Variants in ARID3B observed in about 807,000 individuals in gnomAD.
The protein encoded by ARID3B is AT-rich interactive domain-containing protein 3B.
ARID3B carries 10 observed loss-of-function variants against 51.9 expected under a neutral mutation model. The ratio of observed to expected loss-of-function variants is 0.19; its 90% CI spans 0.12 to 0.33. The LOEUF is 0.33. ARID3B is among the 10% of genes least tolerant of loss of function. The pLI, the probability that ARID3B is intolerant of heterozygous loss-of-function variation, is 1.00. For synonymous variants in ARID3B, 205 were observed against 279.5 expected (o/e 0.73, Z 2.66); for missense variants, 483 against 716.3 (o/e 0.67, Z 3.72).
chr15:74,547,571 T>G (rs907671439), intron 2 of ARID3B, among the ~76,000 whole-genome samples: 1 of 152,200 alleles, frequency 6.6e-6, no homozygotes, highest in African/African-American at 2.4e-5. Context: ...GTGCCAGACC[T>G]GTGCTGTATG....
At chr15:74,560,042 C>CA in intron 2 of ARID3B, among the ~76,000 whole-genome samples, 1 of 3,970 alleles carries the variant, frequency 2.5e-4, no homozygotes, top group Non-Finnish European at 7.6e-4. Flanking sequence ...AAAAAAAAAA[C>CA]CACACACACA....
chr15:74,543,817 G>GT, intron 1 of ARID3B, 43 bp from the exon 2 acceptor site: 3 of 1,345,902 alleles, frequency 2.2e-6, no homozygotes, highest in African/African-American at 1.5e-5. Flanking sequence ...TAACATGGTT[G>GT]TTTTTTCCCC....
intron 2 of ARID3B, among the ~76,000 whole-genome samples, chr15:74,549,226 C>T (rs1013741364): frequency 6.6e-6 from 1 of 152,206 alleles, no homozygotes; most frequent in East Asian, 1.9e-4. Flanking sequence ...AGGTGCCCGC[C>T]ACCACGCCCG....
At chr15:74,571,081 T>C (rs1358359727) in intron 2 of ARID3B, among the ~76,000 whole-genome samples, 2 of 152,212 alleles carry the variant, frequency 1.3e-5, no homozygotes, top group African/African-American at 2.4e-5. Flanking sequence ...TCATTTTAAC[T>C]GACAGAGTGT....
At chr15:74,549,400 A>G (rs1324204256) in intron 2 of ARID3B, among the ~76,000 whole-genome samples, 2 of 151,962 alleles carry the variant, frequency 1.3e-5, no homozygotes, top group Non-Finnish European at 2.9e-5. Flanking sequence ...TTCTTGGTAG[A>G]TACTGCATGA....
chr15:74,578,424 G>A (rs1429095444), intron 4 of ARID3B, among the ~76,000 whole-genome samples: 1 of 151,968 alleles, frequency 6.6e-6, no homozygotes, highest in African/African-American at 2.4e-5. Context: ...ATCCGCCCGC[G>A]TCGGCCTCCT....
At chr15:74,578,243 G>A (rs1368867420) in intron 4 of ARID3B, among the ~76,000 whole-genome samples, 3 of 148,588 alleles carry the variant, frequency 2.0e-5, no homozygotes, top group African/African-American at 7.5e-5. Context: ...GCACCATCTC[G>A]GCTCACTGCA....
chr15:74,593,045 G>T, intron 7 of ARID3B, 93 bp from the exon 8 acceptor site: 3 of 1,085,818 alleles, frequency 2.8e-6, no homozygotes, highest in Non-Finnish European at 4.1e-6. Flanking sequence ...ACAGCGTGAG[G>T]CTTTGACCAG....
intron 2 of ARID3B, among the ~76,000 whole-genome samples, chr15:74,546,353 G>C (rs752875562): frequency 6.6e-6 from 1 of 152,206 alleles, no homozygotes; most frequent in Non-Finnish European, 1.5e-5. Context: ...GGCCCGAGGC[G>C]GCTGGGCTGC....
At chr15:74,581,255 T>TA (rs1195750593) in intron 4 of ARID3B, among the ~76,000 whole-genome samples, 1 of 152,244 alleles carries the variant, frequency 6.6e-6, no homozygotes, top group Non-Finnish European at 1.5e-5. Context: ...GATGTGTATA[T>TA]ACAAAGAATT....
intron 2 of ARID3B, among the ~76,000 whole-genome samples, chr15:74,554,046 G>A (rs938511795): frequency 2.0e-5 from 3 of 151,906 alleles, no homozygotes; most frequent in Non-Finnish European, 4.4e-5. Flanking sequence ...TCGCTCTGTC[G>A]CTCAGGCTAG....
rs2061830001 is a variant in ARID3B, at chr15:74,597,156, G to T, written c.*1382G>T. 3.9e-6 allele frequency: 1 copy of T among 253,910 alleles called. No homozygotes were observed. Among genetic ancestry groups the T allele is most frequent in the Non-Finnish European group, 7.6e-6 (1 of 130,800 alleles). 15.7% of individuals were successfully genotyped at this position (253,910 alleles called of 1,614,324 possible). On this transcript the variant is annotated 3_prime_UTR_variant, in exon 9 of 9. Coordinates refer to ENST00000346246, the MANE Select transcript of ARID3B (RefSeq NM_006465.4). ...CCTCGCTGGCCTTGCCAGAGGTTGA[G>T]CCGCCCCAGGGTATGAGGAGATGAA...
chr15:74,584,634 C>A lies in ARID3B; in HGVS notation c.698-5186C>A, dbSNP rs1432118551. On this transcript the variant is annotated intron_variant, in intron 4 of 8. Transcript: ENST00000346246. ...AGTGGCTTTCCCTTCAACACTCTTACCATCTCTCATCTTTGTCTCCAAAGC... is the reference window on the plus strand; with the variant it reads ...AGTGGCTTTCCCTTCAACACTCTTAACATCTCTCATCTTTGTCTCCAAAGC... Among the ~76,000 whole-genome samples, 6 of 152,292 alleles carry A rather than the reference C, an allele frequency of 3.9e-5. No individual in the cohort carries two copies. In the East Asian group the frequency reaches 9.6e-4, roughly 24 times the overall value.
chr15:74,546,110 A>G (rs2061614536), intron 2 of ARID3B, among the ~76,000 whole-genome samples: 1 of 152,040 alleles, frequency 6.6e-6, no homozygotes, highest in Non-Finnish European at 1.5e-5. Flanking sequence ...GTTTTCACTC[A>G]TCACCCAGGG....
rs773447867 is a variant in ARID3B, at chr15:74,543,907, G to T, written c.-30G>T. 52 of 1,585,420 alleles carry T rather than the reference G, an allele frequency of 3.3e-5. No homozygotes were observed. Among genetic ancestry groups the T allele is most frequent in the Non-Finnish European group, 3.9e-5 (46 of 1,165,998 alleles). On this transcript the variant is annotated 5_prime_UTR_variant, in exon 2 of 9. An upstream start codon of the reference 5' UTR is lost. Coordinates refer to ENST00000346246, the MANE Select transcript of ARID3B (RefSeq NM_006465.4). The stretch of plus-strand genomic sequence containing the variant: ...GGGCTGTGCCCAGGTTCAGAGTCAT[G>T]CCACTCTGTGGGTGAAGCTTGAGGC...
chr15:74,564,729 T>C (rs1317463259), intron 2 of ARID3B, among the ~76,000 whole-genome samples: 1 of 152,114 alleles, frequency 6.6e-6, no homozygotes, highest in Non-Finnish European at 1.5e-5. Flanking sequence ...GCCTCCCAAG[T>C]AGCTTGGACT....
chr15:74,569,261 A>T (rs2061710654), intron 2 of ARID3B, among the ~76,000 whole-genome samples: 1 of 152,148 alleles, frequency 6.6e-6, no homozygotes, highest in Admixed American at 6.5e-5. Context: ...GGAGGGGAAG[A>T]CGGAGGAGCT....
intron 4 of ARID3B, chr15:74,574,214 G>A (rs747370606): frequency 6.6e-6 from 1 of 152,452 alleles, no homozygotes; most frequent in African/African-American, 2.4e-5. Context: ...CACCAGCCAG[G>A]TCAGCCCTCA....
At position 74,591,902 on chromosome 15, in the gene ARID3B, G is replaced by C; in HGVS notation, c.1420+88G>C. On this transcript the variant is annotated intron_variant, in intron 7 of 8. Transcript: ENST00000346246. This position sits in a 1 kb window ranked among gnomAD's most constrained non-coding sequence, Gnocchi z 5.8. Reference sequence around the variant, plus strand: ...GGGACTGGTGGGGCAGGGGTGGTGAGGCACATACTCCTGACCTGGAAGAGG... The same window carrying C: ...GGGACTGGTGGGGCAGGGGTGGTGACGCACATACTCCTGACCTGGAAGAGG... The C allele has an allele frequency of 6.5e-7, 1 of 1,545,608 alleles. No individual in the cohort carries two copies. Among genetic ancestry groups the C allele is most frequent in the Non-Finnish European group, 8.8e-7 (1 of 1,142,616 alleles).
Sources: allele counts gnomAD v4.1 joint callset (sites outside exome capture counted in the v4.1 genomes callset), GRCh38; gene constraint gnomAD v4.1.1; non-coding constraint Gnocchi (gnomAD v3.1); transcripts MANE v1.5; gene names NCBI Gene and HGNC (gene_info 2026-07-23, HGNC 2026-07-21).